USP26: variants seen among roughly 807,000 people sequenced by gnomAD.
USP26 encodes ubiquitin specific peptidase 26.
For missense variants in USP26, 649 were observed against 642.3 expected (o/e 1.01, Z -0.11); for synonymous variants, 236 against 240.6 (o/e 0.98, Z 0.18).
In USP26 at chrX:133,026,184, G is replaced by T. The variant is rs751107534; in HGVS notation, c.2037C>A (p.Ser679Arg). The T allele has an allele frequency of 1.7e-6, 2 of 1,210,623 alleles. No homozygotes were observed. Among genetic ancestry groups the T allele is most frequent in the Non-Finnish European group, 2.2e-6 (2 of 895,371 alleles). The change falls in exon 6 of 6, where the codon AGC becomes AGA. Residue 679 changes from serine to arginine, a missense_variant. Coordinates refer to ENST00000511190, the MANE Select transcript of USP26 (RefSeq NM_031907.3). ...CAACTTTTGAGAGAGGTGTGCCTGG[G>T]CTGCTGGCAGGTTTACCTCCAGCTT... The part of the protein sequence containing the change: ...FHKAGGKPAS[S>R]PGTPLSKVDF...
At chrX:133,028,911 G>C (rs975400529) in intron 5 of USP26, among the ~76,000 whole-genome samples, 1 of 111,780 alleles carries the variant, frequency 8.9e-6, no homozygotes, top group East Asian at 2.8e-4. Flanking sequence ...TGGCACTGGG[G>C]AACATCATTA....
At position 133,051,426 on chromosome X, in the gene USP26, T is replaced by C. The variant is rs753233521; in HGVS notation, c.-76-23130A>G. Among the ~76,000 whole-genome samples, 3 of 111,958 alleles carry C rather than the reference T, an allele frequency of 2.7e-5. No individual in the cohort carries two copies. In the East Asian group the frequency reaches 8.4e-4, roughly 31 times the overall value. On this transcript the variant is annotated intron_variant, in intron 5 of 5. Coordinates refer to ENST00000511190, the MANE Select transcript of USP26 (RefSeq NM_031907.3). ...AAAGTAAAAAGATTTAAGAACATTGTTCCTTGAAGATGCCATTGAGCCACT... is the reference window on the plus strand; with the variant it reads ...AAAGTAAAAAGATTTAAGAACATTGCTCCTTGAAGATGCCATTGAGCCACT...
chrX:133,088,290 C>G (rs752577353), intron 4 of USP26, among the ~76,000 whole-genome samples: 3 of 111,313 alleles, frequency 2.7e-5, no homozygotes, highest in Admixed American at 1.9e-4. Flanking sequence ...TTCCACAGAC[C>G]GGGGGTGGAG....
chrX:133,036,490 C>G lies in USP26; in HGVS notation c.-76-8194G>C, dbSNP rs184121119. On this transcript the variant is annotated intron_variant, in intron 5 of 5. Coordinates refer to ENST00000511190, the MANE Select transcript of USP26 (RefSeq NM_031907.3). ...GATGGTTTCCAGCTTCATCCATGTC[C>G]CTGCAAAGGACATGAACTCATTCTT... 8.1e-5 allele frequency among the ~76,000 whole-genome samples: 9 copies of G among 111,192 alleles called. No homozygotes were observed. The East Asian group carries it at 2.3e-3, about 28-fold the overall frequency.
At chrX:133,055,777 T>C (rs2067473087) in intron 5 of USP26, among the ~76,000 whole-genome samples, 1 of 111,710 alleles carries the variant, frequency 9.0e-6, no homozygotes, top group African/African-American at 3.3e-5. Flanking sequence ...ATGTGGTCAT[T>C]TGTCTTCTTG....
At chrX:133,058,610 T>C (rs1317628670) in intron 5 of USP26, among the ~76,000 whole-genome samples, 1 of 111,952 alleles carries the variant, frequency 8.9e-6, no homozygotes, top group Non-Finnish European at 1.9e-5. Flanking sequence ...CATGTTTCTT[T>C]TGATTTATCT....
intron 5 of USP26, among the ~76,000 whole-genome samples, chrX:133,066,325 T>C (rs1191626461): frequency 2.7e-5 from 3 of 111,864 alleles, no homozygotes; most frequent in Non-Finnish European, 5.6e-5. Context: ...TTCAATGCTA[T>C]TTCCATCAAG....
At chrX:133,095,667 C>G (rs1010626720) in intron 1 of USP26, among the ~76,000 whole-genome samples, 1 of 111,903 alleles carries the variant, frequency 8.9e-6, no homozygotes, top group Non-Finnish European at 1.9e-5. Context: ...GTGGCACAGA[C>G]GCAGCTCACT....
chrX:133,088,165 G>A (rs990476922), intron 4 of USP26, among the ~76,000 whole-genome samples: 1 of 110,817 alleles, frequency 9.0e-6, no homozygotes, highest in Non-Finnish European at 1.9e-5. Flanking sequence ...GTGAGACCCT[G>A]TCTCAAAATT....
intron 5 of USP26, among the ~76,000 whole-genome samples, chrX:133,079,008 A>G (rs1265960244): frequency 1.8e-5 from 2 of 112,127 alleles, no homozygotes; most frequent in Non-Finnish European, 3.8e-5. Flanking sequence ...GCAAACAGAC[A>G]TTCAGCAGAT....
At chrX:133,083,840 T>C (rs2067578468) in intron 4 of USP26, 69 bp from the exon 5 acceptor site, 1 of 111,195 alleles carries the variant, frequency 9.0e-6, no homozygotes, top group South Asian at 3.8e-4. Flanking sequence ...ACATACTCCT[T>C]TGTGTACTAT....
intron 5 of USP26, among the ~76,000 whole-genome samples, chrX:133,077,872 A>G (rs2067555407): frequency 9.0e-6 from 1 of 111,699 alleles, no homozygotes; most frequent in African/African-American, 3.2e-5. Context: ...ACTTGAGACC[A>G]GTAGTTCTAG....
chrX:133,040,099 T>C (rs951524342), intron 5 of USP26, among the ~76,000 whole-genome samples: 1 of 111,868 alleles, frequency 8.9e-6, no homozygotes, highest in Non-Finnish European at 1.9e-5. Context: ...GCATGTGAGA[T>C]GTGCCTCTTG....
chrX:133,053,744 A>G (rs2067467245), intron 5 of USP26, among the ~76,000 whole-genome samples: 1 of 111,397 alleles, frequency 9.0e-6, no homozygotes, highest in Non-Finnish European at 1.9e-5. Context: ...AGGTTGGTAA[A>G]TGTAGGGATT....
intron 5 of USP26, among the ~76,000 whole-genome samples, chrX:133,048,359 G>A (rs774435910): frequency 3.1e-4 from 35 of 111,426 alleles, no homozygotes; most frequent in Non-Finnish European, 5.5e-4. Context: ...TTCTTATTTG[G>A]GGTTTGACTT....
At position 133,067,046 on chromosome X, in the gene USP26, C is replaced by T. The variant is rs2067514328; in HGVS notation, c.-77+16661G>A. On this transcript the variant is annotated intron_variant, in intron 5 of 5. Transcript: ENST00000511190. Reference sequence around the variant, plus strand: ...TTTACAAGAAAAAAGCAAACAACCCCATCAAAAATTAGGTGAAGAATATGA... The same window carrying T: ...TTTACAAGAAAAAAGCAAACAACCCTATCAAAAATTAGGTGAAGAATATGA... 8.0e-5 allele frequency among the ~76,000 whole-genome samples: 9 copies of T among 111,925 alleles called. No homozygotes were observed. In the Admixed American group the frequency reaches 8.5e-4, roughly 11 times the overall value.
At chrX:133,060,571 A>G (rs1208715516) in intron 5 of USP26, among the ~76,000 whole-genome samples, 2 of 111,726 alleles carry the variant, frequency 1.8e-5, no homozygotes, top group Non-Finnish European at 3.8e-5. Flanking sequence ...AAGATAATTT[A>G]CTATTCTAAA....
intron 5 of USP26, among the ~76,000 whole-genome samples, chrX:133,057,844 TTATATA>T (rs1198872172): frequency 6.5e-5 from 2 of 30,668 alleles, no homozygotes; most frequent in Admixed American, 3.0e-4. Context: ...ATACTTTACA[TTATATA>T]TATATATATA....
chrX:133,068,332 CTGTA>C (rs2067519157), intron 5 of USP26, among the ~76,000 whole-genome samples: 1 of 111,998 alleles, frequency 8.9e-6, no homozygotes, highest in Non-Finnish European at 1.9e-5. Context: ...ATTAAGTAAT[CTGTA>C]CACAAAACCT....
Sources: gnomAD v4.1 joint callset for allele counts (sites outside exome capture counted in the v4.1 genomes callset) on GRCh38, gnomAD v4.1.1 for gene constraint, MANE v1.5 for transcripts, NCBI Gene and HGNC (gene_info 2026-07-23, HGNC 2026-07-21) for gene names.